TASOR: variants seen among roughly 807,000 people sequenced by gnomAD.
The protein encoded by TASOR is transcription activation suppressor.
TASOR carries 53 observed loss-of-function variants against 178.6 expected under a neutral mutation model. That is an observed-to-expected ratio of 0.30 (90% CI 0.24 to 0.37). The LOEUF (loss-of-function observed/expected upper bound fraction) is 0.37. TASOR is among the 10% of genes least tolerant of loss of function. The pLI, the probability that TASOR is intolerant of heterozygous loss-of-function variation, is 1.00. For missense variants in TASOR, 1,815 were observed against 1,971.4 expected (o/e 0.92, Z 1.50); for synonymous variants, 713 against 696.2 (o/e 1.02, Z -0.38).
Position 56,660,769 on chromosome 3 carries a change from T to C in TASOR, c.1330A>G (p.Met444Val), listed in dbSNP as rs780178811. 3.1e-6 allele frequency: 5 copies of C among 1,613,778 alleles called. No individual in the cohort carries two copies. In the South Asian group the frequency reaches 5.5e-5, roughly 18 times the overall value. Residue 444 changes from methionine to valine, a missense_variant, in exon 11 of 24, where the codon ATG becomes GTG. Physicochemically the swap from Met to Val is conservative, Grantham distance 21. Around this residue, in one of 5 missense-constraint regions of TASOR, gnomAD observed 504 missense variants for 645.3 expected, o/e 0.78. Transcript: ENST00000683822. ...TCTAGTTTTTGCAGTAAACTCTCCA[T>C]GTTACTTCCAATTCTTGTCTTTTCC... ...VVEKTRIGSN[M>V]ESLLQKLDRE...
chr3:56,626,320 CCTA>C (rs1347306507), intron 21 of TASOR, among the ~76,000 whole-genome samples: 1 of 152,184 alleles, frequency 6.6e-6, no homozygotes, highest in Non-Finnish European at 1.5e-5. Context: ...GAATTGATGT[CCTA>C]CTCACAAATC....
chr3:56,679,875 C>T (rs1311627124), intron 1 of TASOR, among the ~76,000 whole-genome samples: 1 of 152,132 alleles, frequency 6.6e-6, no homozygotes, highest in Non-Finnish European at 1.5e-5. Flanking sequence ...AAGAATCATG[C>T]CTCAGCCAAT....
intron 3 of TASOR, 87 bp downstream of exon 3, chr3:56,671,513 G>T: frequency 1.1e-6 from 1 of 917,714 alleles, no homozygotes; most frequent in Non-Finnish European, 1.6e-6. Flanking sequence ...GTCTGTAATT[G>T]TAAAGAATAC....
intron 1 of TASOR, among the ~76,000 whole-genome samples, chr3:56,678,317 G>A (rs1162784276): frequency 6.6e-6 from 1 of 151,504 alleles, no homozygotes; most frequent in African/African-American, 2.4e-5. Flanking sequence ...GAGCAGCTGG[G>A]ATTTCAGGCA....
intron 6 of TASOR, 72 bp downstream of exon 6, chr3:56,668,325 G>A (rs2030280953): frequency 4.9e-6 from 7 of 1,416,716 alleles, no homozygotes; most frequent in Non-Finnish European, 6.7e-6. Context: ...AGAACTGAAA[G>A]GGAGACATTT....
chr3:56,663,809 T>C, intron 7 of TASOR: 2 of 1,009,138 alleles, frequency 2.0e-6, no homozygotes, highest in Non-Finnish European at 2.4e-6. Flanking sequence ...AAGGGAGTTG[T>C]TTTTTCCAAA....
chr3:56,654,345 T>C (rs1237258707), intron 11 of TASOR, among the ~76,000 whole-genome samples: 2 of 93,282 alleles, frequency 2.1e-5, no homozygotes, highest in African/African-American at 9.1e-5. Flanking sequence ...ACAAAATTCC[T>C]AAACAAAAGC....
At chr3:56,651,628 A>G (rs1396173483) in intron 11 of TASOR, among the ~76,000 whole-genome samples, 1 of 151,948 alleles carries the variant, frequency 6.6e-6, no homozygotes, top group Non-Finnish European at 1.5e-5. Context: ...TGATCCTGAG[A>G]GTTCAAGCTG....
At chr3:56,654,403 T>TGGGGGGGGGG (rs1559838476) in intron 11 of TASOR, among the ~76,000 whole-genome samples, 1 of 127,310 alleles carries the variant, frequency 7.9e-6, no homozygotes, top group African/African-American at 2.9e-5. Context: ...TGGGCGGGGT[T>TGGGGGGGGGG]GGGGGGTGGT....
At chr3:56,661,317 T>C (rs2077590155) in intron 9 of TASOR, among the ~76,000 whole-genome samples, 2 of 152,202 alleles carry the variant, frequency 1.3e-5, no homozygotes, top group South Asian at 4.2e-4. Context: ...AGGGTAATTT[T>C]GGTTTTTTTG....
chr3:56,677,092 T>C (rs1022131362), intron 1 of TASOR, among the ~76,000 whole-genome samples: 1 of 152,174 alleles, frequency 6.6e-6, no homozygotes, highest in African/African-American at 2.4e-5. Context: ...TTCAGAAAAT[T>C]TATTAAGTTC....
At chr3:56,626,990 CA>C (rs2076813720) in intron 21 of TASOR, 46 bp downstream of exon 21, 1 of 1,138,986 alleles carries the variant, frequency 8.8e-7, no homozygotes, top group Non-Finnish European at 1.3e-6. Flanking sequence ...ATTATGAGTA[CA>C]ATGTTAAAAT....
At position 56,682,794 on chromosome 3, in the gene TASOR, G is replaced by A; in HGVS notation, c.213C>T (p.His71=). ...CCTCAGAGGAGTCCTGAGGCTGCTC[G>A]TGGCTGAGGCTCTGGGCGGCCTCGG... The part of the protein sequence containing the change: ...AGAEAAQSLS[H]EQPQDSSEAG... Residue 71 remains histidine, a synonymous_variant, in exon 1 of 24, where the codon CAC becomes CAT. Transcript: ENST00000683822. 4 of 1,550,508 alleles carry A rather than the reference G, an allele frequency of 2.6e-6. No individual in the cohort carries two copies. Among genetic ancestry groups the A allele is most frequent in the Non-Finnish European group, 3.5e-6 (4 of 1,146,336 alleles).
chr3:56,635,339 C>T (rs1441901781), intron 17 of TASOR, among the ~76,000 whole-genome samples: 1 of 152,112 alleles, frequency 6.6e-6, no homozygotes, highest in Non-Finnish European at 1.5e-5. Context: ...AATTGATAAA[C>T]CAGAAAATCC....
Position 56,682,971 on chromosome 3 carries a change from C to T in TASOR, c.36G>A (p.Pro12=). The change falls in exon 1 of 24, where the codon CCG becomes CCA. Residue 12 remains proline, a synonymous_variant. Transcript: ENST00000683822. ...CGCCACTTTCCCAACTCGCATCCGTCGGCTGACAGGCCTCCGTCTCCACAG... is the reference window on the plus strand; with the variant it reads ...CGCCACTTTCCCAACTCGCATCCGTTGGCTGACAGGCCTCCGTCTCCACAG... ...ATAVETEACQ[P]TDASWESGGG... 1 of 1,549,172 alleles carries T rather than the reference C, an allele frequency of 6.5e-7. No homozygotes were observed. Among genetic ancestry groups the T allele is most frequent in the Non-Finnish European group, 8.7e-7 (1 of 1,146,182 alleles).
chr3:56,653,451 C>CA lies in TASOR; in HGVS notation c.1369-4395dup, dbSNP rs1341273767. Among the ~76,000 whole-genome samples the CA allele has an allele frequency of 1.0e-2, 1,374 of 137,616 alleles. 9 individuals carry two copies. Among genetic ancestry groups the CA allele is most frequent in the African/African-American group, 0.02 (736 of 37,660 alleles). The allele number at this position is 137,616 out of a possible 152,430, so 90.3% of individuals were successfully genotyped here. A position where few individuals can be genotyped will look rare whatever the true frequency, so the allele number is the denominator to read the frequency against. On this transcript the variant is annotated intron_variant, in intron 11 of 23. Transcript: ENST00000683822. ...ACTGTAACTGCTAAACATCAAAGAC[C>CA]AAAAAAAAAAAAGATTTAAAAAGTA...
chr3:56,670,108 T>C lies in TASOR; in HGVS notation c.608A>G (p.Gln203Arg). 2 of 1,541,438 alleles carry C rather than the reference T, an allele frequency of 1.3e-6. 1 individual carries two copies. The highest frequency in any genetic ancestry group is 2.5e-5 in the South Asian group (2 of 80,880). Residue 203 changes from glutamine to arginine, a missense_variant, in exon 4 of 24, where the codon CAG becomes CGG. Gln to Arg is a conservative substitution (Grantham distance 43). Coordinates refer to ENST00000683822, the MANE Select transcript of TASOR (RefSeq NM_001365635.2). ...ACTGCCAAGAATTGTTATTTTGGACTGACCCACATGTAATCCTTTTTCACA... is the reference window on the plus strand; with the variant it reads ...ACTGCCAAGAATTGTTATTTTGGACCGACCCACATGTAATCCTTTTTCACA... ...TICEKGLHVG[Q>R]SKITILGSPS...
At chr3:56,665,723 G>A (rs148990879) in intron 7 of TASOR, among the ~76,000 whole-genome samples, 4,067 of 152,054 alleles carry the variant, frequency 0.027, 98 homozygotes, top group African/African-American at 0.062. Context: ...TGTAATCCCA[G>A]CACTTTGGGA....
At chr3:56,661,094 G>GA in intron 9 of TASOR, 77 bp from the exon 10 acceptor site, 1 of 858,520 alleles carries the variant, frequency 1.2e-6, no homozygotes, top group Non-Finnish European at 1.9e-6. Context: ...ACACAAAAAA[G>GA]TACACTTGAT....
Sources: gnomAD v4.1 joint callset for allele counts (sites outside exome capture counted in the v4.1 genomes callset) on GRCh38, gnomAD v4.1.1 for gene constraint, gnomAD v4.1.1 regional missense constraint, MANE v1.5 for transcripts, NCBI Gene and HGNC (gene_info 2026-07-23, HGNC 2026-07-21) for gene names.